Variants in THSD4 observed in about 807,000 individuals in gnomAD.
The protein encoded by THSD4 is thrombospondin type 1 domain containing 4.
Under a neutral mutation model 119.0 loss-of-function variants are expected in THSD4, and 69 were observed. The observed-to-expected ratio is 0.58, with a 90% confidence interval of 0.48 to 0.71. The LOEUF is 0.71. Ranked by LOEUF, THSD4 falls within the 30% of genes least tolerant of loss-of-function variation. The pLI, the probability that THSD4 is intolerant of heterozygous loss-of-function variation, is 0.00. For synonymous variants in THSD4, 524 were observed against 540.4 expected (o/e 0.97, Z 0.42); for missense variants, 1,393 against 1,391.1 (o/e 1.00, Z -0.02).
chr15:71,602,387 C>T (rs1218931281), intron 7 of THSD4, among the ~76,000 whole-genome samples: 2 of 151,638 alleles, frequency 1.3e-5, no homozygotes, highest in Non-Finnish European at 2.9e-5. Flanking sequence ...AACCCCGTCT[C>T]TACTAAAAAT....
intron 1 of THSD4, among the ~76,000 whole-genome samples, chr15:71,100,813 CTACAAAAAAA>C (rs1365510994): frequency 6.6e-6 from 1 of 151,832 alleles, no homozygotes; most frequent in Non-Finnish European, 1.5e-5. Flanking sequence ...AACCCTGTCT[CTACAAAAAAA>C]TACAAAAATA....
At chr15:71,205,296 G>A (rs1050892465) in intron 3 of THSD4, among the ~76,000 whole-genome samples, 4 of 152,182 alleles carry the variant, frequency 2.6e-5, no homozygotes, top group Admixed American at 1.3e-4. Flanking sequence ...GAAGTATGGT[G>A]CAGTTTGTGT....
intron 6 of THSD4, among the ~76,000 whole-genome samples, chr15:71,347,133 C>T (rs371153960): frequency 6.6e-5 from 10 of 152,136 alleles, no homozygotes; most frequent in Admixed American, 5.2e-4. Context: ...CTCGGTGTCC[C>T]AAAGTGCTGG....
intron 7 of THSD4, among the ~76,000 whole-genome samples, chr15:71,548,101 T>TG (rs1271249291): frequency 1.3e-5 from 2 of 151,708 alleles, no homozygotes; most frequent in Non-Finnish European, 2.9e-5. Flanking sequence ...GGTACAGTTT[T>TG]TTTTTTTTTT....
At chr15:71,750,899 T>G (rs1318386291) in intron 14 of THSD4, among the ~76,000 whole-genome samples, 2 of 152,222 alleles carry the variant, frequency 1.3e-5, no homozygotes, top group Non-Finnish European at 2.9e-5. Flanking sequence ...GGAAGGTGTT[T>G]GTGAGCTCAG....
At chr15:71,254,750 C>T (rs1457011924) in intron 5 of THSD4, among the ~76,000 whole-genome samples, 1 of 152,128 alleles carries the variant, frequency 6.6e-6, no homozygotes, top group Non-Finnish European at 1.5e-5. Flanking sequence ...TTGCTGGAAG[C>T]TTACATGGGC....
chr15:71,657,722 A>T (rs982608829), intron 7 of THSD4, among the ~76,000 whole-genome samples: 37 of 152,082 alleles, frequency 2.4e-4, no homozygotes, highest in Middle Eastern at 3.2e-3. Context: ...CACTGAAACC[A>T]ACCTCCAGGC....
chr15:71,584,847 C>T (rs530807742), intron 7 of THSD4, among the ~76,000 whole-genome samples: 6 of 152,176 alleles, frequency 3.9e-5, no homozygotes, highest in South Asian at 2.1e-4. Flanking sequence ...CCTTTCTCTT[C>T]GTACTTTGTG....
chr15:71,471,542 A>G (rs1404588883), intron 7 of THSD4, among the ~76,000 whole-genome samples: 1 of 151,404 alleles, frequency 6.6e-6, no homozygotes, highest in East Asian at 1.9e-4. Flanking sequence ...GCCCTCACCC[A>G]CTTTATGTCA....
At chr15:71,474,819 T>A (rs2047634177) in intron 7 of THSD4, among the ~76,000 whole-genome samples, 1 of 152,182 alleles carries the variant, frequency 6.6e-6, no homozygotes, top group African/African-American at 2.4e-5. Context: ...TACTTGACCA[T>A]CTCCTTCTGG....
chr15:71,484,752 C>A (rs191494189), intron 7 of THSD4, among the ~76,000 whole-genome samples: 1 of 152,150 alleles, frequency 6.6e-6, no homozygotes, highest in African/African-American at 2.4e-5. Flanking sequence ...GTGACCTGTC[C>A]GTGGCCATCT....
chr15:71,621,897 A>G (rs1385755976), intron 7 of THSD4, among the ~76,000 whole-genome samples: 5 of 152,228 alleles, frequency 3.3e-5, no homozygotes, highest in Non-Finnish European at 7.3e-5. Context: ...GCCATTAGTT[A>G]CTTTTGGGTA....
At chr15:71,662,350 A>C (rs1052972888) in intron 8 of THSD4, among the ~76,000 whole-genome samples, 4 of 152,188 alleles carry the variant, frequency 2.6e-5, no homozygotes, top group Admixed American at 2.0e-4. Flanking sequence ...GACAAAACCC[A>C]GGAGCCACCA....
chr15:71,161,715 T>A (rs962286573), intron 3 of THSD4, among the ~76,000 whole-genome samples: 2 of 152,178 alleles, frequency 1.3e-5, no homozygotes, highest in South Asian at 2.1e-4. Context: ...CTATTTTTTT[T>A]AAATTAGAGC....
chr15:71,508,079 T>G (rs1027377182), intron 7 of THSD4, among the ~76,000 whole-genome samples: 5 of 152,218 alleles, frequency 3.3e-5, no homozygotes, highest in Non-Finnish European at 5.9e-5. Context: ...TTATGAACAT[T>G]GCTAAGGGGG....
At chr15:71,597,358 T>G (rs1441376919) in intron 7 of THSD4, among the ~76,000 whole-genome samples, 3 of 152,182 alleles carry the variant, frequency 2.0e-5, no homozygotes, top group Admixed American at 1.3e-4. Context: ...AGTTGCTAAA[T>G]AGGTACAGGC....
chr15:71,343,959 C>T (rs1290002937), intron 6 of THSD4, among the ~76,000 whole-genome samples: 1 of 151,826 alleles, frequency 6.6e-6, no homozygotes, highest in Non-Finnish European at 1.5e-5. Flanking sequence ...AGCAATCAGC[C>T]CACCTCACCC....
intron 7 of THSD4, among the ~76,000 whole-genome samples, chr15:71,492,684 T>G (rs1276967960): frequency 6.6e-6 from 1 of 152,158 alleles, no homozygotes; most frequent in Non-Finnish European, 1.5e-5. Flanking sequence ...AAAAGAAACA[T>G]GGCAGTAAAG....
intron 6 of THSD4, among the ~76,000 whole-genome samples, chr15:71,269,717 A>G (rs1789120076): frequency 6.6e-6 from 1 of 152,222 alleles, no homozygotes; most frequent in African/African-American, 2.4e-5. Flanking sequence ...TCTTAACCCC[A>G]AATCTCCTTA....
Sources: gnomAD v4.1 joint callset for allele counts (sites outside exome capture counted in the v4.1 genomes callset) on GRCh38, gnomAD v4.1.1 for gene constraint, MANE v1.5 for transcripts, NCBI Gene and HGNC (gene_info 2026-07-23, HGNC 2026-07-21) for gene names.